MED4: variants seen among roughly 807,000 people sequenced by gnomAD.
The protein encoded by MED4 is mediator complex subunit 4, also known as mediator of RNA polymerase II transcription subunit 4.
MED4 carries 21 observed loss-of-function variants against 35.0 expected under a neutral mutation model. That is an observed-to-expected ratio of 0.60 (90% CI 0.43 to 0.86). The LOEUF is 0.86. Among genes scored for constraint, MED4 ranks in the 40% least tolerant of loss-of-function variants. The pLI is 0.00. For synonymous variants in MED4, 138 were observed against 114.0 expected (o/e 1.21, Z -1.34); for missense variants, 300 against 319.4 (o/e 0.94, Z 0.46).
At chr13:48,090,266 T>A (rs890199849) in intron 2 of MED4, 86 bp downstream of exon 2, 3 of 1,047,714 alleles carry the variant, frequency 2.9e-6, no homozygotes, top group Non-Finnish European at 4.2e-6. Flanking sequence ...AAAGTAAATA[T>A]AAAGAGGAAA....
chr13:48,091,496 C>T (rs548216136), intron 1 of MED4, among the ~76,000 whole-genome samples: 1 of 152,306 alleles, frequency 6.6e-6, no homozygotes, highest in South Asian at 2.1e-4. Context: ...TTCCTTCCAG[C>T]TAGCATCATA....
intron 6 of MED4, 148 bp downstream of exon 6, chr13:48,079,696 C>G: frequency 1.1e-6 from 1 of 888,784 alleles, no homozygotes; most frequent in South Asian, 1.8e-5. Context: ...ACGCTCCAGC[C>G]TGGGTGACAT....
chr13:48,077,767 CA>C (rs1239290973), intron 6 of MED4, among the ~76,000 whole-genome samples: 4 of 152,016 alleles, frequency 2.6e-5, no homozygotes, highest in African/African-American at 9.7e-5. Context: ...TCAAATTTAT[CA>C]AGGAAAAGTT....
chr13:48,092,013 G>A (rs554997830), intron 1 of MED4, among the ~76,000 whole-genome samples: 1 of 152,348 alleles, frequency 6.6e-6, no homozygotes, highest in East Asian at 1.9e-4. Context: ...ACAATGGGGA[G>A]AGGAAAGCAA....
Position 48,095,087 on chromosome 13 carries a change from G to A in MED4, c.-9C>T, listed in dbSNP as rs779920469. On this transcript the variant is annotated 5_prime_UTR_variant, in exon 1 of 7. Coordinates refer to ENST00000258648, the MANE Select transcript of MED4 (RefSeq NM_014166.4). ...CTCGAAGACGCAGCCATTTTCCCCA[G>A]AGTCCCGCCACCGGCGCACGCGCAG... 5 of 1,601,836 alleles carry A rather than the reference G, an allele frequency of 3.1e-6. No individual in the cohort carries two copies. Among genetic ancestry groups the A allele is most frequent in the East Asian group, 2.2e-5 (1 of 44,878 alleles).
At chr13:48,077,364 G>T in intron 6 of MED4, 53 bp from the exon 7 acceptor site, 3 of 1,314,782 alleles carry the variant, frequency 2.3e-6, no homozygotes, top group Non-Finnish European at 3.0e-6. Context: ...AATTAATCTA[G>T]TTCTTACTTT....
chr13:48,081,808 A>C, intron 4 of MED4, 77 bp from the exon 5 acceptor site: 1 of 796,080 alleles, frequency 1.3e-6, no homozygotes, highest in Non-Finnish European at 1.9e-6. Context: ...TATCAGTTAC[A>C]CATCGTATTT....
intron 3 of MED4, among the ~76,000 whole-genome samples, chr13:48,083,936 G>A (rs750029566): frequency 6.6e-6 from 1 of 152,092 alleles, no homozygotes; most frequent in Non-Finnish European, 1.5e-5. Context: ...CCTAGTATAT[G>A]CATATCTTCG....
chr13:48,079,033 A>G (rs1011188132), intron 6 of MED4, among the ~76,000 whole-genome samples: 1 of 152,216 alleles, frequency 6.6e-6, no homozygotes, highest in Non-Finnish European at 1.5e-5. Context: ...AGTCACCTAC[A>G]AACTATAAAA....
At chr13:48,094,928 C>G (rs3809330) in intron 1 of MED4, 26 bp downstream of exon 1, 9 of 1,598,812 alleles carry the variant, frequency 5.6e-6, no homozygotes, top group Non-Finnish European at 7.6e-6. Flanking sequence ...CCAGCTCCAG[C>G]CCGGCTCTCA....
chr13:48,091,165 T>G (rs928025515), intron 1 of MED4, among the ~76,000 whole-genome samples: 4 of 152,162 alleles, frequency 2.6e-5, no homozygotes, highest in African/African-American at 9.7e-5. Context: ...ATTCTCCACT[T>G]TATTTGAATT....
At chr13:48,094,763 CT>C (rs1319088672) in intron 1 of MED4, among the ~76,000 whole-genome samples, 190 bp downstream of exon 1, 1 of 152,154 alleles carries the variant, frequency 6.6e-6, no homozygotes, top group Non-Finnish European at 1.5e-5. Context: ...AAAATTCCCT[CT>C]AACGGGAAAA....
At chr13:48,079,647 C>T (rs1259223017) in intron 6 of MED4, 197 bp downstream of exon 6, 5 of 493,210 alleles carry the variant, frequency 1.0e-5, no homozygotes, top group African/African-American at 1.0e-4. Flanking sequence ...GGCTGAGGCA[C>T]AAGAATCACT....
intron 3 of MED4, among the ~76,000 whole-genome samples, chr13:48,085,991 A>C (rs771211978): frequency 3.3e-4 from 50 of 152,124 alleles, no homozygotes; most frequent in Non-Finnish European, 3.7e-4. Flanking sequence ...ATTAAAATTT[A>C]TATCAGACCA....
intron 2 of MED4, 56 bp downstream of exon 2, chr13:48,090,296 T>C: frequency 2.2e-6 from 3 of 1,377,400 alleles, no homozygotes; most frequent in Non-Finnish European, 3.0e-6. Flanking sequence ...ATCAAGTTTT[T>C]TTCTTTTAAT....
chr13:48,089,060 T>C (rs1293892479), intron 2 of MED4, among the ~76,000 whole-genome samples: 4 of 152,234 alleles, frequency 2.6e-5, no homozygotes, highest in Non-Finnish European at 5.9e-5. Context: ...TCAAATAAAG[T>C]CAAGCCTTGC....
chr13:48,079,086 A>G (rs1218767783), intron 6 of MED4, among the ~76,000 whole-genome samples: 1 of 152,168 alleles, frequency 6.6e-6, no homozygotes, highest in African/African-American at 2.4e-5. Flanking sequence ...AAATAGCACA[A>G]ACCTATGAAA....
chr13:48,090,454 T>G (rs766699863), intron 1 of MED4, 36 bp from the exon 2 acceptor site: 2 of 1,522,720 alleles, frequency 1.3e-6, no homozygotes, highest in Non-Finnish European at 1.8e-6. Context: ...AAAAACCCTT[T>G]CACAGCATAC....
chr13:48,095,038 A>G lies in MED4; in HGVS notation c.41T>C (p.Leu14Pro), dbSNP rs756723016. Residue 14 changes from leucine (L) to proline (P), a missense_variant, in exon 1 of 7, where the codon CTG becomes CCG. Transcript: ENST00000258648. ...SSSGEKEKERLGGGLGVAGGN... is the reference protein window; with the variant it reads ...SSSGEKEKERPGGGLGVAGGN... Reference sequence around the variant, plus strand: ...ACCCGCCACTCCCAAACCGCCTCCCAGCCGCTCCTTCTCCTTCTCACCACT... The same window carrying G: ...ACCCGCCACTCCCAAACCGCCTCCCGGCCGCTCCTTCTCCTTCTCACCACT... 8 of 1,606,334 alleles carry G rather than the reference A, an allele frequency of 5.0e-6. No homozygotes were observed. The South Asian group carries it at 7.7e-5, about 15-fold the overall frequency.
Sources: gnomAD v4.1 joint callset for allele counts (sites outside exome capture counted in the v4.1 genomes callset) on GRCh38, gnomAD v4.1.1 for gene constraint, MANE v1.5 for transcripts, NCBI Gene and HGNC (gene_info 2026-07-23, HGNC 2026-07-21) for gene names.